Variants in NLK observed in about 807,000 individuals in gnomAD.
NLK encodes the protein nemo like kinase.
Under a neutral mutation model 59.0 loss-of-function variants are expected in NLK, and 11 were observed. That is an observed-to-expected ratio of 0.19 (90% CI 0.12 to 0.31). The LOEUF (loss-of-function observed/expected upper bound fraction) is 0.31, where lower values mean the gene tolerates loss of function less well. Ranked by LOEUF, NLK falls within the 10% of genes least tolerant of loss-of-function variation. The pLI is 1.00. For missense variants in NLK, 410 were observed against 661.1 expected (o/e 0.62, Z 4.16); for synonymous variants, 235 against 235.9 (o/e 1.00, Z 0.03).
chr17:28,117,265 A>G (rs1905820190), intron 1 of NLK, among the ~76,000 whole-genome samples: 1 of 152,270 alleles, frequency 6.6e-6, no homozygotes, highest in East Asian at 1.9e-4. Context: ...TCCCAAGACC[A>G]CAAGAATTAG....
At chr17:28,136,391 CT>C (rs1412081344) in intron 3 of NLK, among the ~76,000 whole-genome samples, 2 of 152,002 alleles carry the variant, frequency 1.3e-5, no homozygotes, top group African/African-American at 4.8e-5. Flanking sequence ...AAACTGAATC[CT>C]TTTAACATAA....
the NLK span, among the ~76,000 whole-genome samples, chr17:28,204,617 G>C: frequency 6.6e-6 from 1 of 152,110 alleles, no homozygotes; most frequent in Non-Finnish European, 1.5e-5. Context: ...TAGGCACTGG[G>C]GATACATCAG....
At chr17:28,193,977 T>C (rs539598530) in intron 10 of NLK, among the ~76,000 whole-genome samples, 5 of 152,312 alleles carry the variant, frequency 3.3e-5, no homozygotes, top group African/African-American at 1.2e-4. Context: ...AAGTTTATAA[T>C]CTAATTAGCA....
At chr17:28,163,737 A>G in intron 5 of NLK, 109 bp downstream of exon 5, 1 of 671,970 alleles carries the variant, frequency 1.5e-6, no homozygotes, top group Middle Eastern at 3.3e-4. Flanking sequence ...TACTTTACCA[A>G]AAGTTAACCC....
At chr17:28,060,455 A>T (rs1349100161) in intron 1 of NLK, among the ~76,000 whole-genome samples, 1 of 152,176 alleles carries the variant, frequency 6.6e-6, no homozygotes, top group East Asian at 1.9e-4. Context: ...TTTTAAAAAT[A>T]GAGACAGGGT....
intron 1 of NLK, among the ~76,000 whole-genome samples, chr17:28,101,140 A>G (rs574355806): frequency 1.3e-5 from 2 of 152,280 alleles, no homozygotes; most frequent in South Asian, 2.1e-4. Flanking sequence ...ATTGACCTCT[A>G]TGTCTATCAT....
At chr17:28,072,740 A>G (rs1277632675) in intron 1 of NLK, among the ~76,000 whole-genome samples, 2 of 152,164 alleles carry the variant, frequency 1.3e-5, no homozygotes, top group East Asian at 3.9e-4. Context: ...TTTAGTATGC[A>G]TGTTTAAATT....
intron 1 of NLK, chr17:28,048,898 A>G (rs1422510483): frequency 2.0e-5 from 3 of 152,362 alleles, no homozygotes; most frequent in African/African-American, 7.2e-5. Context: ...CAACCAATAA[A>G]TGGACAGAAG....
chr17:28,134,776 A>G (rs1906669109), intron 3 of NLK, among the ~76,000 whole-genome samples: 1 of 152,234 alleles, frequency 6.6e-6, no homozygotes, highest in Non-Finnish European at 1.5e-5. Context: ...GGCTGACAAG[A>G]ATGTCTTTGT....
At chr17:28,190,868 C>T in intron 8 of NLK, 153 bp from the exon 9 acceptor site, 2 of 552,700 alleles carry the variant, frequency 3.6e-6, no homozygotes, top group South Asian at 2.9e-5. Context: ...TGCTATGTTA[C>T]CCACCTCTAA....
chr17:28,110,879 C>T (rs1346206976), intron 1 of NLK, among the ~76,000 whole-genome samples: 3 of 151,744 alleles, frequency 2.0e-5, no homozygotes, highest in African/African-American at 7.3e-5. Flanking sequence ...GAGTCTCGCT[C>T]TGTCGCCCAG....
intron 1 of NLK, among the ~76,000 whole-genome samples, chr17:28,072,482 C>T (rs958576104): frequency 7.9e-5 from 12 of 151,910 alleles, no homozygotes; most frequent in Admixed American, 4.6e-4. Context: ...CATGCCACCA[C>T]GCCCAACTAA....
chr17:28,181,617 A>G (rs1393556928), intron 7 of NLK, among the ~76,000 whole-genome samples: 2 of 151,966 alleles, frequency 1.3e-5, no homozygotes, highest in Admixed American at 6.6e-5. Flanking sequence ...TTTTATTACC[A>G]AGGAATAGCG....
At chr17:28,063,597 A>G (rs988841104) in intron 1 of NLK, among the ~76,000 whole-genome samples, 2 of 152,208 alleles carry the variant, frequency 1.3e-5, no homozygotes, top group African/African-American at 2.4e-5. Flanking sequence ...CTGTTTACAT[A>G]AAGTTCCTAA....
At chr17:28,122,826 G>C in intron 2 of NLK, 94 bp downstream of exon 2, 3 of 1,420,858 alleles carry the variant, frequency 2.1e-6, no homozygotes, top group South Asian at 2.6e-5. Context: ...GCACCTATAA[G>C]TAAAATTTGG....
At chr17:28,194,485 A>T (rs1909415779) in intron 10 of NLK, 97 bp from the exon 11 acceptor site, 1 of 824,982 alleles carries the variant, frequency 1.2e-6, no homozygotes, top group East Asian at 2.6e-5. Context: ...AGTGGAATTA[A>T]TTTTTTCAGA....
intron 8 of NLK, among the ~76,000 whole-genome samples, chr17:28,188,918 A>G (rs1217227037): frequency 1.3e-5 from 2 of 151,954 alleles, no homozygotes; most frequent in African/African-American, 4.8e-5. Context: ...TGATGACTCA[A>G]TTACTTGATT....
At chr17:28,046,041 A>T (rs1909041060) in intron 1 of NLK, among the ~76,000 whole-genome samples, 1 of 152,236 alleles carries the variant, frequency 6.6e-6, no homozygotes, top group South Asian at 2.1e-4. Flanking sequence ...ATATGACAAG[A>T]AACTGTATTT....
At chr17:28,186,858 T>C (rs1909138323) in intron 8 of NLK, among the ~76,000 whole-genome samples, 2 of 152,198 alleles carry the variant, frequency 1.3e-5, no homozygotes, top group Admixed American at 6.5e-5. Context: ...AGTGATACTA[T>C]AAGCCTGACA....
Sources: gnomAD v4.1 joint callset for allele counts (sites outside exome capture counted in the v4.1 genomes callset) on GRCh38, gnomAD v4.1.1 for gene constraint, MANE v1.5 for transcripts, NCBI Gene and HGNC (gene_info 2026-07-23, HGNC 2026-07-21) for gene names.